Variants in NKAIN3 observed in about 807,000 individuals in gnomAD.
The protein encoded by NKAIN3 is sodium/potassium transporting ATPase interacting 3, also known as sodium/potassium-transporting ATPase subunit beta-1-interacting protein 3.
Under a neutral mutation model 30.2 loss-of-function variants are expected in NKAIN3, and 25 were observed. The observed-to-expected ratio is 0.83, with a 90% CI of 0.60 to 1.16. The LOEUF is 1.16. Ranked by LOEUF, NKAIN3 falls within the 50% of genes most tolerant of loss-of-function variation. The pLI, the probability that NKAIN3 is intolerant of heterozygous loss-of-function variation, is 0.00. For missense variants in NKAIN3, 225 were observed against 254.1 expected (o/e 0.89, Z 0.78); for synonymous variants, 91 against 89.6 (o/e 1.02, Z -0.09).
intron 3 of NKAIN3, among the ~76,000 whole-genome samples, chr8:62,625,982 G>T (rs868351567): frequency 6.6e-6 from 1 of 151,986 alleles, no homozygotes; most frequent in South Asian, 2.1e-4. Context: ...AAACTGAGGC[G>T]TCGAGGAAAC....
At position 62,356,565 on chromosome 8, in the gene NKAIN3, C is replaced by T. The variant is rs118158376; in HGVS notation, c.54+107438C>T. ...ATTATCAAGTCCTGCCAAATTTTTA[C>T]CTTAGTATATCCTCGTCTTTATGGT... On this transcript the variant is annotated intron_variant, in intron 1 of 6. Coordinates refer to ENST00000623646, the MANE Select transcript of NKAIN3 (RefSeq NM_001304533.3). Among the ~76,000 whole-genome samples, 22 of 152,284 alleles carry T rather than the reference C, an allele frequency of 1.4e-4. No homozygotes were observed. The East Asian group carries it at 4.3e-3, about 29-fold the overall frequency.
At chr8:62,266,220 A>G (rs1463728029) in intron 1 of NKAIN3, among the ~76,000 whole-genome samples, 1 of 152,186 alleles carries the variant, frequency 6.6e-6, no homozygotes, top group Non-Finnish European at 1.5e-5. Flanking sequence ...TGAAATAAAT[A>G]AGATTCTATG....
At chr8:62,359,832 T>A (rs1410222763) in intron 1 of NKAIN3, among the ~76,000 whole-genome samples, 1 of 152,166 alleles carries the variant, frequency 6.6e-6, no homozygotes, top group Non-Finnish European at 1.5e-5. Flanking sequence ...GGAAACATAG[T>A]ATGTCTTTAT....
intron 1 of NKAIN3, among the ~76,000 whole-genome samples, chr8:62,267,519 C>T (rs1034110695): frequency 2.6e-5 from 4 of 152,122 alleles, no homozygotes; most frequent in Non-Finnish European, 5.9e-5. Context: ...TTATTTCATG[C>T]TAATGTTCCA....
intron 4 of NKAIN3, 61 bp from the exon 5 acceptor site, chr8:62,918,392 G>A: frequency 2.6e-6 from 3 of 1,171,662 alleles, no homozygotes; most frequent in Non-Finnish European, 3.8e-6. Context: ...GATTATATTG[G>A]CTCTTTAAGT....
intron 4 of NKAIN3, among the ~76,000 whole-genome samples, chr8:62,757,109 A>C (rs1433871380): frequency 6.6e-6 from 1 of 152,206 alleles, no homozygotes; most frequent in East Asian, 1.9e-4. Context: ...TTTAATAATT[A>C]ATCGAGCCAA....
chr8:62,924,233 G>A (rs1231682763), intron 5 of NKAIN3, among the ~76,000 whole-genome samples: 1 of 152,056 alleles, frequency 6.6e-6, no homozygotes, highest in Non-Finnish European at 1.5e-5. Context: ...ACACCCTTCA[G>A]ATTTCAGCTT....
At chr8:62,877,633 G>T (rs1820840049) in intron 4 of NKAIN3, among the ~76,000 whole-genome samples, 2 of 152,206 alleles carry the variant, frequency 1.3e-5, no homozygotes, top group Non-Finnish European at 2.9e-5. Context: ...AAGTTACGCA[G>T]TCCTACCCAA....
intron 4 of NKAIN3, among the ~76,000 whole-genome samples, chr8:62,875,866 A>C (rs1484915345): frequency 6.6e-6 from 1 of 152,212 alleles, no homozygotes; most frequent in Non-Finnish European, 1.5e-5. Context: ...ATTCAAAACC[A>C]TAAAAACCCT....
intron 1 of NKAIN3, among the ~76,000 whole-genome samples, chr8:62,444,995 G>A (rs1805437189): frequency 6.6e-6 from 1 of 152,006 alleles, no homozygotes; most frequent in African/African-American, 2.4e-5. Context: ...CACCAGGCTG[G>A]AGTGCAGTGG....
chr8:62,830,874 G>A (rs1486153891), intron 4 of NKAIN3, among the ~76,000 whole-genome samples: 1 of 152,208 alleles, frequency 6.6e-6, no homozygotes. Flanking sequence ...CAGCACTGAT[G>A]CTTGTGCCTG....
intron 1 of NKAIN3, among the ~76,000 whole-genome samples, chr8:62,489,771 C>T (rs1206754348): frequency 6.6e-6 from 1 of 152,140 alleles, no homozygotes; most frequent in Non-Finnish European, 1.5e-5. Flanking sequence ...GACATGCAAA[C>T]TTAAGTTCTA....
intron 4 of NKAIN3, among the ~76,000 whole-genome samples, chr8:62,904,865 G>A (rs573161981): frequency 3.9e-4 from 60 of 152,272 alleles, no homozygotes; most frequent in African/African-American, 1.2e-3. Context: ...ATCACCATGC[G>A]AAATGTGCCT....
At chr8:62,915,694 C>T (rs11988825) in intron 4 of NKAIN3, among the ~76,000 whole-genome samples, 13,780 of 152,110 alleles carry the variant, frequency 0.091, 653 homozygotes, top group South Asian at 0.15. Flanking sequence ...GAGAACCCAC[C>T]AAGAACTAGA....
chr8:62,316,599 G>A (rs1240007795), intron 1 of NKAIN3, among the ~76,000 whole-genome samples: 1 of 152,130 alleles, frequency 6.6e-6, no homozygotes, highest in African/African-American at 2.4e-5. Context: ...CTCTACAAAG[G>A]ATATGAACTC....
At chr8:62,836,231 T>C (rs1271530785) in intron 4 of NKAIN3, among the ~76,000 whole-genome samples, 2 of 152,078 alleles carry the variant, frequency 1.3e-5, no homozygotes, top group African/African-American at 4.8e-5. Context: ...CTCTCCTCAC[T>C]ACCTGGGTTA....
At chr8:62,789,133 A>G (rs1817623364) in intron 4 of NKAIN3, among the ~76,000 whole-genome samples, 1 of 152,052 alleles carries the variant, frequency 6.6e-6, no homozygotes, top group Non-Finnish European at 1.5e-5. Context: ...CAGTATGGCC[A>G]TTTTCACAAT....
chr8:62,788,582 T>C (rs1429672321), intron 4 of NKAIN3, among the ~76,000 whole-genome samples: 2 of 152,202 alleles, frequency 1.3e-5, no homozygotes, highest in African/African-American at 4.8e-5. Context: ...CCATTGCTTT[T>C]GGTGTTTTAG....
chr8:62,462,401 C>G (rs1806026023), intron 1 of NKAIN3, among the ~76,000 whole-genome samples: 1 of 152,154 alleles, frequency 6.6e-6, no homozygotes, highest in Non-Finnish European at 1.5e-5. Context: ...ATTAGCAATG[C>G]ATGGAATGTG....
Sources: allele counts gnomAD v4.1 joint callset (sites outside exome capture counted in the v4.1 genomes callset), GRCh38; gene constraint gnomAD v4.1.1; transcripts MANE v1.5; gene names NCBI Gene and HGNC (gene_info 2026-07-23, HGNC 2026-07-21).